The following CEP43 variants were observed in gnomAD, a reference collection of about 807,000 sequenced individuals.
CEP43 encodes the protein FGFR1 oncogene partner.
In CEP43, 36 loss-of-function variants were observed where a neutral mutation model predicts 52.6. The observed-to-expected ratio is 0.68, with a 90% CI of 0.52 to 0.90. CEP43 has a LOEUF of 0.90. CEP43 is among the 40% of genes least tolerant of loss of function. The pLI, the probability that CEP43 is intolerant of heterozygous loss-of-function variation, is 0.00. For missense variants in CEP43, 506 were observed against 472.8 expected (o/e 1.07, Z -0.65); for synonymous variants, 192 against 172.4 (o/e 1.11, Z -0.89).
intron 2 of CEP43, among the ~76,000 whole-genome samples, chr6:167,001,031 G>A (rs998992962): frequency 1.3e-5 from 2 of 152,318 alleles, no homozygotes; most frequent in East Asian, 3.9e-4. Flanking sequence ...CACCCTAGCT[G>A]TGCAGTAGCC....
intron 7 of CEP43, among the ~76,000 whole-genome samples, chr6:167,014,989 C>T (rs750006335): frequency 2.0e-5 from 3 of 152,168 alleles, no homozygotes; most frequent in Admixed American, 6.5e-5. Context: ...GGGTTTCAAA[C>T]AACTTAAACA....
intron 6 of CEP43, 84 bp from the exon 7 acceptor site, chr6:167,013,424 A>G (rs1780026412): frequency 2.7e-6 from 3 of 1,097,456 alleles, no homozygotes; most frequent in Non-Finnish European, 4.1e-6. Context: ...ATTTTTCAGT[A>G]GGTATCTTTG....
chr6:167,015,762 A>G (rs1026416565), intron 7 of CEP43, among the ~76,000 whole-genome samples: 1 of 152,116 alleles, frequency 6.6e-6, no homozygotes, highest in African/African-American at 2.4e-5. Flanking sequence ...TTATAAATAA[A>G]CTTAAAAAAA....
chr6:167,005,964 A>G (rs760425940), intron 5 of CEP43, among the ~76,000 whole-genome samples: 1 of 152,236 alleles, frequency 6.6e-6, no homozygotes, highest in African/African-American at 2.4e-5. Flanking sequence ...ACATACCACT[A>G]GCATGGACTC....
In CEP43 at chr6:167,048,654, A is replaced by G. The variant is rs373711558; in HGVS notation, c.*8676A>G. On this transcript the variant is annotated 3_prime_UTR_variant, in exon 13 of 13. Transcript: ENST00000366847. ...AGCTCTTCTATGATTTGACAGTGCA[A>G]TTACTGAAGGGGAAGACACCATGCA... The G allele has an allele frequency of 5.3e-5, 8 of 152,236 alleles. No individual in the cohort carries two copies. Among genetic ancestry groups the G allele is most frequent in the East Asian group, 1.9e-4 (1 of 5,206 alleles). The allele number at this position is 152,236 out of a possible 1,614,324, so 9.4% of individuals were successfully genotyped here.
Position 167,045,965 on chromosome 6 carries a change from G to A in CEP43, c.*5987G>A, listed in dbSNP as rs891783923. On this transcript the variant is annotated 3_prime_UTR_variant, in exon 13 of 13. Coordinates refer to ENST00000366847, the MANE Select transcript of CEP43 (RefSeq NM_007045.4). ...CCTCTCCTGCCCCAGCACCCCTACT[G>A]CCCCAGTGCCAGGCCTTTTCTAGCA... is the stretch of plus-strand genomic sequence containing the variant. 2.0e-5 allele frequency: 3 copies of A among 152,146 alleles called. No individual in the cohort carries two copies. Among genetic ancestry groups the A allele is most frequent in the South Asian group, 2.1e-4 (1 of 4,806 alleles). 9.4% of individuals were successfully genotyped at this position (152,146 alleles called of 1,614,324 possible).
intron 2 of CEP43, among the ~76,000 whole-genome samples, chr6:167,002,797 T>C (rs1204362492): frequency 6.6e-6 from 1 of 152,230 alleles, no homozygotes; most frequent in Non-Finnish European, 1.5e-5. Context: ...ATGGATAAAC[T>C]GGGAATTACA....
At chr6:167,006,462 A>C (rs1779856353) in intron 5 of CEP43, among the ~76,000 whole-genome samples, 1 of 152,146 alleles carries the variant, frequency 6.6e-6, no homozygotes, top group Non-Finnish European at 1.5e-5. Context: ...CAGTGAGGCG[A>C]GGTCGTGCCA....
chr6:167,010,354 A>C (rs1779958935), intron 5 of CEP43, among the ~76,000 whole-genome samples: 1 of 152,248 alleles, frequency 6.6e-6, no homozygotes, highest in Non-Finnish European at 1.5e-5. Flanking sequence ...GAAAACTGGG[A>C]GAGTGAACTA....
chr6:167,009,621 C>T (rs1332123215), intron 5 of CEP43, among the ~76,000 whole-genome samples: 6 of 147,540 alleles, frequency 4.1e-5, no homozygotes, highest in African/African-American at 1.0e-4. Flanking sequence ...GCCAAGATCT[C>T]GCCATTGCAC....
chr6:166,999,661 G>T (rs1170248419), intron 1 of CEP43, 147 bp downstream of exon 1: 9 of 517,494 alleles, frequency 1.7e-5, no homozygotes, highest in Admixed American at 4.4e-5. Flanking sequence ...CATGGCCTCC[G>T]TCCTGCCCGC....
intron 5 of CEP43, 151 bp downstream of exon 5, chr6:167,004,552 C>A (rs1779809418): frequency 1.7e-6 from 1 of 585,418 alleles, no homozygotes; most frequent in Non-Finnish European, 2.7e-6. Flanking sequence ...TGTATCAATG[C>A]AAATTTTAAT....
At position 167,042,395 on chromosome 6, in the gene CEP43, A is replaced by AAGC; in HGVS notation, c.*2419_*2421dup. 1 of 966,434 alleles carries AAGC rather than the reference A, an allele frequency of 1.0e-6. No individual in the cohort carries two copies. The highest frequency in any genetic ancestry group is 1.7e-5 in the African/African-American group (1 of 57,236). 59.9% of individuals were successfully genotyped at this position (966,434 alleles called of 1,614,324 possible). Reference sequence around the variant, plus strand: ...TTATTGATAACTACAAATGAATAAAAAGCATTTATTCTCTTTGTTGATATT... The same window carrying AAGC: ...TTATTGATAACTACAAATGAATAAAAAGCAGCATTTATTCTCTTTGTTGATATT... On this transcript the variant is annotated 3_prime_UTR_variant, in exon 13 of 13. Coordinates refer to ENST00000366847, the MANE Select transcript of CEP43 (RefSeq NM_007045.4).
chr6:167,013,206 T>G (rs919912286), intron 6 of CEP43, among the ~76,000 whole-genome samples: 28 of 152,320 alleles, frequency 1.8e-4, no homozygotes, highest in Admixed American at 1.4e-3. Flanking sequence ...CAAGTGAGGC[T>G]TATTTAGAAT....
intron 12 of CEP43, among the ~76,000 whole-genome samples, chr6:167,038,093 C>T (rs1377447667): frequency 3.3e-5 from 5 of 152,186 alleles, no homozygotes; most frequent in African/African-American, 9.7e-5. Flanking sequence ...AATGTTTTCC[C>T]AGCCTGCATT....
At chr6:167,031,725 C>T (rs2082416297) in intron 10 of CEP43, among the ~76,000 whole-genome samples, 1 of 152,182 alleles carries the variant, frequency 6.6e-6, no homozygotes, top group South Asian at 2.1e-4. Context: ...CATAGGCCAT[C>T]CATTCACATT....
At chr6:167,039,545 A>C (rs765282312) in intron 12 of CEP43, among the ~76,000 whole-genome samples, 5 of 152,162 alleles carry the variant, frequency 3.3e-5, no homozygotes, top group Admixed American at 6.5e-5. Context: ...GCAATTCGGA[A>C]TTGTGCTGCT....
chr6:167,014,322 C>T (rs1410019046), intron 7 of CEP43, among the ~76,000 whole-genome samples: 1 of 152,104 alleles, frequency 6.6e-6, no homozygotes, highest in African/African-American at 2.4e-5. Context: ...ATTCAGTGCC[C>T]CTGCTCACAG....
intron 4 of CEP43, 181 bp from the exon 5 acceptor site, chr6:167,004,083 G>C: frequency 1.5e-6 from 1 of 651,350 alleles, no homozygotes; most frequent in Non-Finnish European, 2.5e-6. Flanking sequence ...TAATGGAAAC[G>C]TTGAAGGTAG....
Sources: gnomAD v4.1 joint callset for allele counts (sites outside exome capture counted in the v4.1 genomes callset) on GRCh38, gnomAD v4.1.1 for gene constraint, MANE v1.5 for transcripts, NCBI Gene and HGNC (gene_info 2026-07-23, HGNC 2026-07-21) for gene names.